The following PISD variants were observed in gnomAD, a reference collection of about 807,000 sequenced individuals.
PISD encodes phosphatidylserine decarboxylase, also known as phosphatidylserine decarboxylase proenzyme, mitochondrial.
A neutral mutation model predicts 43.5 loss-of-function variants in PISD; 31 were observed. The observed-to-expected ratio is 0.71, with a 90% CI of 0.54 to 0.96. The LOEUF (loss-of-function observed/expected upper bound fraction) is 0.96. Among genes scored for constraint, PISD ranks in the 40% least tolerant of loss-of-function variants. The pLI, the probability that PISD is intolerant of heterozygous loss-of-function variation, is 0.00. For missense variants in PISD, 523 were observed against 548.4 expected, an observed-to-expected ratio of 0.95 and a Z score of 0.46; for synonymous variants, 259 against 228.7, an observed-to-expected ratio of 1.13 and a Z score of -1.20.
intron 3 of PISD, chr22:31,625,982 C>T (rs1399526262): frequency 2.0e-6 from 3 of 1,465,538 alleles, no homozygotes; most frequent in South Asian, 1.4e-5. Context: ...GGTTCAGTCT[C>T]GGTGGCTCAC....
chr22:31,623,878 G>A (rs753742426), intron 3 of PISD: 6 of 1,600,870 alleles, frequency 3.7e-6, no homozygotes, highest in Non-Finnish European at 5.1e-6. Flanking sequence ...TGCACAGCCA[G>A]GTCAGTGGCC....
In PISD at chr22:31,620,991, C is replaced by T. The variant is rs777786765; in HGVS notation, c.844+5G>A. 46 of 1,610,372 alleles carry T rather than the reference C, an allele frequency of 2.9e-5. No homozygotes were observed. The highest frequency in any genetic ancestry group is 5.1e-5 in the Admixed American group (3 of 58,940). On this transcript the variant is annotated splice_donor_5th_base_variant and intron_variant, in intron 6 of 7. Transcript: ENST00000439502. ...CAGCTCCCCCCACGCTGGCCCCGGGCTGACCTGGGAAGTGGCGCCGGTGGG... is the reference window on the plus strand; with the variant it reads ...CAGCTCCCCCCACGCTGGCCCCGGGTTGACCTGGGAAGTGGCGCCGGTGGG...
chr22:31,623,681 T>TA, intron 3 of PISD: 2 of 1,612,414 alleles, frequency 1.2e-6, no homozygotes, highest in South Asian at 2.2e-5. Context: ...TGTGCACACT[T>TA]ACCCTGCTTA....
At chr22:31,635,612 T>C (rs2073406099) in intron 3 of PISD, among the ~76,000 whole-genome samples, 1 of 152,190 alleles carries the variant, frequency 6.6e-6, no homozygotes, top group African/African-American at 2.4e-5. Flanking sequence ...CCACATATTC[T>C]TGAGACACGG....
intron 3 of PISD, among the ~76,000 whole-genome samples, chr22:31,624,891 C>T (rs2072812828): frequency 6.6e-6 from 1 of 152,176 alleles, no homozygotes; most frequent in African/African-American, 2.4e-5. Flanking sequence ...GCCTTTCCAC[C>T]ACAACCCTGG....
chr22:31,620,441 A>G, intron 7 of PISD, 112 bp downstream of exon 7: 1 of 1,063,634 alleles, frequency 9.4e-7, no homozygotes. Flanking sequence ...GCCTGACCAG[A>G]GCTGTGGCCT....
intron 3 of PISD, among the ~76,000 whole-genome samples, chr22:31,635,258 A>G (rs994243323): frequency 1.3e-5 from 2 of 152,214 alleles, no homozygotes; most frequent in Non-Finnish European, 2.9e-5. Flanking sequence ...TGAGTCGGCC[A>G]TCCCTCGATT....
intron 3 of PISD, among the ~76,000 whole-genome samples, chr22:31,640,030 G>GC (rs2073642336): frequency 6.6e-6 from 1 of 152,070 alleles, no homozygotes; most frequent in Non-Finnish European, 1.5e-5. Context: ...CCACTGATGG[G>GC]CCACAGGTTG....
Position 31,621,313 on chromosome 22 carries a change from C to T in PISD, c.697+21G>A, listed in dbSNP as rs2072554772. 5 of 1,613,788 alleles carry T rather than the reference C, an allele frequency of 3.1e-6. No individual in the cohort carries two copies. The East Asian group carries it at 1.1e-4, about 36-fold the overall frequency. ...CCACACAGCAGCAGGGCTGCCTAGC[C>T]CCGCCTGTGCAGTGACCCACCTGGT... On this transcript the variant is annotated intron_variant, in intron 5 of 7. Coordinates refer to ENST00000439502, the MANE Select transcript of PISD (RefSeq NM_001326411.2).
chr22:31,625,878 T>C, intron 3 of PISD: 6 of 1,551,188 alleles, frequency 3.9e-6, no homozygotes, highest in East Asian at 2.4e-5. Context: ...TCCTCTTTCC[T>C]CCCCTTCCCC....
chr22:31,647,315 C>G (rs982280346), intron 3 of PISD, among the ~76,000 whole-genome samples: 1 of 152,218 alleles, frequency 6.6e-6, no homozygotes, highest in Middle Eastern at 3.2e-3. Context: ...CCTTCAGCAT[C>G]CTAATGCCCC....
intron 1 of PISD, among the ~76,000 whole-genome samples, chr22:31,658,766 C>T (rs1312706954): frequency 1.3e-5 from 2 of 151,952 alleles, no homozygotes; most frequent in Non-Finnish European, 2.9e-5. Flanking sequence ...CTCTTGGGCT[C>T]AAGCAATTCT....
intron 3 of PISD, chr22:31,623,740 G>C: frequency 6.2e-7 from 1 of 1,614,206 alleles, no homozygotes; most frequent in African/African-American, 1.3e-5. Context: ...CCGAAGGGCA[G>C]GAGGTAGTAG....
chr22:31,634,852 A>AT (rs1401218732), intron 3 of PISD, among the ~76,000 whole-genome samples: 2 of 149,928 alleles, frequency 1.3e-5, no homozygotes, highest in Non-Finnish European at 3.0e-5. Context: ...AAAAAAAAAA[A>AT]AAATAGAAAA....
intron 3 of PISD, chr22:31,638,351 C>A (rs2073578656): frequency 2.0e-6 from 2 of 985,478 alleles, no homozygotes; most frequent in South Asian, 9.4e-5. Flanking sequence ...AGCCCCTGCC[C>A]CATGGGAAAC....
chr22:31,635,168 A>AAAAAC (rs75918790), intron 3 of PISD, among the ~76,000 whole-genome samples: 5,791 of 151,970 alleles, frequency 0.038, 362 homozygotes, highest in African/African-American at 0.13. Context: ...CTCCGTCTCA[A>AAAAAC]AAAACAAAAC....
At chr22:31,624,819 C>T (rs1413507758) in intron 3 of PISD, among the ~76,000 whole-genome samples, 4 of 151,986 alleles carry the variant, frequency 2.6e-5, no homozygotes, top group African/African-American at 9.7e-5. Context: ...CCCACCCTCC[C>T]AGCACAAATG....
chr22:31,657,864 A>AT (rs1158886606), intron 1 of PISD, among the ~76,000 whole-genome samples: 3 of 151,876 alleles, frequency 2.0e-5, no homozygotes, highest in Admixed American at 2.0e-4. Context: ...ATTTCTTCCC[A>AT]TCCCCCCACT....
intron 3 of PISD, among the ~76,000 whole-genome samples, chr22:31,636,542 G>GA (rs1556419188): frequency 8.0e-6 from 1 of 125,106 alleles, no homozygotes; most frequent in Admixed American, 7.8e-5. Flanking sequence ...TCTGGGTTTT[G>GA]TTTTTTTTTG....
Sources: gnomAD v4.1 joint callset for allele counts (sites outside exome capture counted in the v4.1 genomes callset) on GRCh38, gnomAD v4.1.1 for gene constraint, MANE v1.5 for transcripts, NCBI Gene and HGNC (gene_info 2026-07-23, HGNC 2026-07-21) for gene names.